TTC21A: variants seen among roughly 807,000 people sequenced by gnomAD.
The protein encoded by TTC21A is tetratricopeptide repeat domain 21A.
TTC21A carries 128 observed loss-of-function variants against 156.4 expected under a neutral mutation model. The observed-to-expected ratio is 0.82, with a 90% CI of 0.71 to 0.95. TTC21A has a LOEUF of 0.95. TTC21A is among the 40% of genes least tolerant of loss of function. The pLI is 0.00. For missense variants in TTC21A, 1,435 were observed against 1,602.3 expected (o/e 0.90, Z 1.78); for synonymous variants, 587 against 617.1 (o/e 0.95, Z 0.72).
rs1371929854 is a variant in TTC21A, at chr3:39,114,571, C to G, written c.559-14C>G. 3 of 1,613,870 alleles carry G rather than the reference C, an allele frequency of 1.9e-6. No individual in the cohort carries two copies. Among genetic ancestry groups the G allele is most frequent in the Admixed American group, 1.7e-5 (1 of 60,032 alleles). On this transcript the variant is annotated splice_polypyrimidine_tract_variant and intron_variant, in intron 5 of 28. Transcript: ENST00000683103. ...ACTCCCTTCACGGAGGCTCTTCTGTCTGGCTCCCAACAGGCAATGTACTTC... is the reference window on the plus strand; with the variant it reads ...ACTCCCTTCACGGAGGCTCTTCTGTGTGGCTCCCAACAGGCAATGTACTTC...
At chr3:39,136,563 GATA>G in intron 23 of TTC21A, 56 bp downstream of exon 23, 1 of 1,586,370 alleles carries the variant, frequency 6.3e-7, no homozygotes, top group South Asian at 1.1e-5. Context: ...CCTACTGGCA[GATA>G]GGCTAGGCCC....
chr3:39,129,338 G>C, intron 15 of TTC21A, 28 bp downstream of exon 15: 1 of 1,525,788 alleles, frequency 6.6e-7, no homozygotes, highest in Non-Finnish European at 9.1e-7. Flanking sequence ...CACAATGACA[G>C]CTTCTTCTCC....
At chr3:39,116,721 C>T (rs928580023) in intron 6 of TTC21A, among the ~76,000 whole-genome samples, 5 of 152,158 alleles carry the variant, frequency 3.3e-5, no homozygotes, top group Admixed American at 6.5e-5. Flanking sequence ...ATTCTTGCCT[C>T]GGCTTCCAAA....
intron 20 of TTC21A, 124 bp downstream of exon 20, chr3:39,133,364 G>A (rs772207701): frequency 2.0e-6 from 2 of 977,092 alleles, no homozygotes; most frequent in Non-Finnish European, 2.9e-6. Context: ...CAGATATGAT[G>A]GGCATGGGAG....
chr3:39,120,074 AG>A (rs2037630522), intron 8 of TTC21A, 54 bp downstream of exon 8: 1 of 1,326,016 alleles, frequency 7.5e-7, no homozygotes, highest in Non-Finnish European at 1.1e-6. Context: ...CTTTCCTTAG[AG>A]GAGAACTGTG....
Position 39,135,192 on chromosome 3 carries a change from G to T in TTC21A, c.2944+18G>T, listed in dbSNP as rs1436953923. ...AGCGCCAGGTAATTCTGCCCATGGAGACTGCCTGTACCAGTTCCCACTGAG... is the reference window on the plus strand; with the variant it reads ...AGCGCCAGGTAATTCTGCCCATGGATACTGCCTGTACCAGTTCCCACTGAG... On this transcript the variant is annotated intron_variant, in intron 22 of 28. Transcript: ENST00000683103. 1.2e-6 allele frequency: 2 copies of T among 1,608,956 alleles called. No individual in the cohort carries two copies. Among genetic ancestry groups the T allele is most frequent in the East Asian group, 2.2e-5 (1 of 44,868 alleles).
Position 39,133,194 on chromosome 3 carries a change from TAC to T in TTC21A, c.2707_2708del (p.Gln903ValfsTer3). The T allele has an allele frequency of 1.2e-6, 2 of 1,614,208 alleles. No individual in the cohort carries two copies. The highest frequency in any genetic ancestry group is 8.5e-7 in the Non-Finnish European group (1 of 1,180,046). On this transcript the variant is annotated frameshift_variant, in exon 20 of 29. Transcript: ENST00000683103. LOFTEE classifies it high-confidence loss of function. ...GCAGAGAAAGAGTATGACAAGGCGG[TAC>T]AGTCTTATAAGGATGTCTTCTCCTA...
Position 39,111,027 on chromosome 3 carries a change from A to G in TTC21A, c.435+10A>G. 6.3e-7 allele frequency: 1 copy of G among 1,591,668 alleles called. No individual in the cohort carries two copies. The highest frequency in any genetic ancestry group is 8.6e-7 in the Non-Finnish European group (1 of 1,165,868). On this transcript the variant is annotated intron_variant, in intron 4 of 28. Coordinates refer to ENST00000683103, the MANE Select transcript of TTC21A (RefSeq NM_001366900.1). Reference sequence around the variant, plus strand: ...TAGAGGCTTCAGAGAGGTACTTACCACACCATGGGGACAACAGGCGAAGAA... The same window carrying G: ...TAGAGGCTTCAGAGAGGTACTTACCGCACCATGGGGACAACAGGCGAAGAA...
At chr3:39,126,648 C>T (rs1343528757) in intron 12 of TTC21A, among the ~76,000 whole-genome samples, 16 of 134,094 alleles carry the variant, frequency 1.2e-4, no homozygotes, top group Non-Finnish European at 4.9e-5. Flanking sequence ...CACACACACA[C>T]ACGTATGCAC....
intron 19 of TTC21A, among the ~76,000 whole-genome samples, chr3:39,132,039 A>C (rs784490): frequency 6.6e-6 from 1 of 151,816 alleles, no homozygotes; most frequent in South Asian, 2.1e-4. Context: ...CACCCAGATG[A>C]TATAGCTGAC....
At chr3:39,121,701 A>G (rs1013167376) in intron 9 of TTC21A, among the ~76,000 whole-genome samples, 13 of 152,170 alleles carry the variant, frequency 8.5e-5, no homozygotes, top group African/African-American at 2.7e-4. Flanking sequence ...CTACAGTGCC[A>G]TTTCCATTTT....
chr3:39,124,993 C>T (rs784508), intron 9 of TTC21A, 70 bp from the exon 10 acceptor site: 632,497 of 984,644 alleles, frequency 0.64, 210,114 homozygotes, highest in East Asian at 0.71. Flanking sequence ...TTATCCATGC[C>T]CCTTGACCTG....
chr3:39,107,891 G>T (rs1217087934), intron 1 of TTC21A, 27 bp downstream of exon 1: 2 of 1,610,802 alleles, frequency 1.2e-6, no homozygotes, highest in African/African-American at 2.7e-5. Context: ...CTGTCCGAGG[G>T]CTCCCTCGTG....
intron 6 of TTC21A, 84 bp from the exon 7 acceptor site, chr3:39,117,985 A>G (rs2037429820): frequency 1.0e-6 from 1 of 955,914 alleles, no homozygotes; most frequent in Admixed American, 1.8e-5. Flanking sequence ...ATGGATATTC[A>G]AAGACAATCA....
Position 39,130,667 on chromosome 3 carries a change from A to C in TTC21A, c.2320-34A>C. ...GTGTCGGGCACTGAAGGGCAGAACC[A>C]GGCCAGAGGCTAATATTTACTGTTT... is the stretch of plus-strand genomic sequence containing the variant. On this transcript the variant is annotated intron_variant, in intron 17 of 28. Coordinates refer to ENST00000683103, the MANE Select transcript of TTC21A (RefSeq NM_001366900.1). The surrounding 1 kb of genome is among the most constrained non-coding windows in gnomAD (Gnocchi z 4.5). The C allele has an allele frequency of 6.2e-7, 1 of 1,610,484 alleles. No individual in the cohort carries two copies. Among genetic ancestry groups the C allele is most frequent in the Non-Finnish European group, 8.5e-7 (1 of 1,177,338 alleles).
At chr3:39,127,608 T>C (rs1296085819) in intron 12 of TTC21A, among the ~76,000 whole-genome samples, 1 of 152,134 alleles carries the variant, frequency 6.6e-6, no homozygotes, top group Non-Finnish European at 1.5e-5. Flanking sequence ...GGATCCCAAG[T>C]AGGAGTTGTT....
chr3:39,112,728 C>A, intron 5 of TTC21A, 148 bp downstream of exon 5: 1 of 1,256,726 alleles, frequency 8.0e-7, no homozygotes. Context: ...GGTTCAGCAA[C>A]CAATCCAGGG....
chr3:39,134,513 C>T lies in TTC21A; in HGVS notation c.2862+185C>T. On this transcript the variant is annotated intron_variant, in intron 21 of 28. Coordinates refer to ENST00000683103, the MANE Select transcript of TTC21A (RefSeq NM_001366900.1). This position sits in a 1 kb window ranked among gnomAD's most constrained non-coding sequence, Gnocchi z 4.6. ...CTGCCCTTTAGCCGGAAGCGGTAGGCTGGCTGGCAGTGGGCAGCATCAATC... is the reference window on the plus strand; with the variant it reads ...CTGCCCTTTAGCCGGAAGCGGTAGGTTGGCTGGCAGTGGGCAGCATCAATC... 1 of 667,284 alleles carries T rather than the reference C, an allele frequency of 1.5e-6. No individual in the cohort carries two copies. The highest frequency in any genetic ancestry group is 1.8e-5 in the African/African-American group (1 of 56,812). 41.3% of individuals were successfully genotyped at this position (667,284 alleles called of 1,614,324 possible).
At chr3:39,125,937 C>G (rs886944666) in intron 11 of TTC21A, among the ~76,000 whole-genome samples, 4 of 152,218 alleles carry the variant, frequency 2.6e-5, no homozygotes, top group Admixed American at 6.5e-5. Context: ...GCTCTTCCAG[C>G]CAGTCAGGAT....
Sources: gnomAD v4.1 joint callset for allele counts (sites outside exome capture counted in the v4.1 genomes callset) on GRCh38, gnomAD v4.1.1 for gene constraint, Gnocchi (gnomAD v3.1) non-coding constraint, MANE v1.5 for transcripts, NCBI Gene and HGNC (gene_info 2026-07-23, HGNC 2026-07-21) for gene names.